The following RGS6 variants were observed in gnomAD, a reference collection of about 807,000 sequenced individuals.
The protein encoded by RGS6 is regulator of G protein signaling 6.
A neutral mutation model predicts 78.5 loss-of-function variants in RGS6; 30 were observed. The observed-to-expected ratio is 0.38, with a 90% CI of 0.29 to 0.52. The LOEUF is 0.52. Ranked by LOEUF, RGS6 falls within the 20% of genes least tolerant of loss-of-function variation. The pLI is 0.85. For synonymous variants in RGS6, 206 were observed against 206.0 expected (o/e 1.00, Z 0.00); for missense variants, 495 against 609.7 (o/e 0.81, Z 1.98).
chr14:72,275,323 C>T (rs1595145273), intron 2 of RGS6, among the ~76,000 whole-genome samples: 1 of 152,294 alleles, frequency 6.6e-6, no homozygotes, highest in South Asian at 2.1e-4. Flanking sequence ...ATTCAGGCCA[C>T]ATGCTATCTC....
the RGS6 span, among the ~76,000 whole-genome samples, chr14:72,599,575 A>ATTTTTTTTTTTT: frequency 4.8e-5 from 5 of 103,228 alleles, no homozygotes; most frequent in South Asian, 3.3e-4. Flanking sequence ...CGCCTGGCTA[A>ATTTTTTTTTTTT]TTTTTTTTTT....
Position 72,345,491 on chromosome 14 carries a change from T to C in RGS6, c.85-6604T>C, listed in dbSNP as rs141377188. Among the ~76,000 whole-genome samples the C allele has an allele frequency of 1.3e-4, 20 of 152,316 alleles. No individual in the cohort carries two copies. In the East Asian group the frequency reaches 3.9e-3, roughly 29 times the overall value. The stretch of plus-strand genomic sequence containing the variant: ...CAAATTCCACTTGTGCCATTGAAAT[T>C]GCAGCCTTTGAATGGGATGATAAAA... On this transcript the variant is annotated intron_variant, in intron 2 of 17. Coordinates refer to ENST00000553525, the MANE Select transcript of RGS6 (RefSeq NM_001204424.2).
rs924562496 is a variant in RGS6 at position 72,410,784 on chromosome 14, T to C, written c.185-43744T>C. 5.6e-4 allele frequency among the ~76,000 whole-genome samples: 86 copies of C among 152,220 alleles called. 2 individuals are homozygous for C. The highest frequency in any genetic ancestry group is 2.2e-4 in the Non-Finnish European group (15 of 68,030). On this transcript the variant is annotated intron_variant, in intron 3 of 17. Transcript: ENST00000553525. ...AGGGATCCAGTTTCAGCTTTCTACA[T>C]ATGGCTAGCCAGTTTTCCCAGCACC...
chr14:72,226,909 A>G (rs1024286089), intron 2 of RGS6, among the ~76,000 whole-genome samples: 1 of 151,962 alleles, frequency 6.6e-6, no homozygotes, highest in Non-Finnish European at 1.5e-5. Context: ...CTGGTCTTGA[A>G]CTCCTGGTGT....
chr14:72,395,454 T>A (rs930899053), intron 3 of RGS6, among the ~76,000 whole-genome samples: 1 of 152,218 alleles, frequency 6.6e-6, no homozygotes, highest in African/African-American at 2.4e-5. Context: ...TCCACTGTAC[T>A]TATATACAGA....
At chr14:72,531,645 A>G (rs2097184421) in intron 15 of RGS6, among the ~76,000 whole-genome samples, 1 of 152,050 alleles carries the variant, frequency 6.6e-6, no homozygotes, top group African/African-American at 2.4e-5. Flanking sequence ...TCTGCTTTCT[A>G]CTTTCACTTT....
intron 13 of RGS6, among the ~76,000 whole-genome samples, chr14:72,509,040 A>G (rs1327886035): frequency 6.6e-6 from 1 of 152,214 alleles, no homozygotes; most frequent in Non-Finnish European, 1.5e-5. Flanking sequence ...GTGAGACAGC[A>G]TAGCAAAGAT....
chr14:72,237,897 T>C (rs915163198), intron 2 of RGS6, among the ~76,000 whole-genome samples: 2 of 152,144 alleles, frequency 1.3e-5, no homozygotes, highest in Admixed American at 1.3e-4. Context: ...TATCTGCAGA[T>C]AGCTAAGTGT....
At chr14:71,947,297 A>G (rs1023771856) in intron 1 of RGS6, among the ~76,000 whole-genome samples, 40 of 152,264 alleles carry the variant, frequency 2.6e-4, no homozygotes, top group African/African-American at 9.4e-4. Flanking sequence ...AAGTCCTCAG[A>G]TACCTCACCC....
chr14:71,878,065 G>T, the RGS6 span, among the ~76,000 whole-genome samples: 2 of 152,170 alleles, frequency 1.3e-5, no homozygotes, highest in African/African-American at 4.8e-5. Flanking sequence ...GGGGCATCTG[G>T]CTGTATGAGG....
the RGS6 span, among the ~76,000 whole-genome samples, chr14:71,888,939 T>C: frequency 6.6e-6 from 1 of 152,198 alleles, no homozygotes; most frequent in Non-Finnish European, 1.5e-5. Context: ...TCAGGAGTTT[T>C]TGATGTAGGG....
At chr14:72,065,565 T>C (rs939859053) in intron 2 of RGS6, among the ~76,000 whole-genome samples, 2 of 152,182 alleles carry the variant, frequency 1.3e-5, no homozygotes, top group Admixed American at 1.3e-4. Context: ...TACAATGATC[T>C]TTTTCTATTG....
chr14:72,339,128 G>A (rs942604032), intron 2 of RGS6, among the ~76,000 whole-genome samples: 2 of 151,998 alleles, frequency 1.3e-5, no homozygotes, highest in African/African-American at 4.8e-5. Context: ...AGAATGTTGT[G>A]TCCCACCAAA....
chr14:72,364,587 T>C (rs1221959475), intron 3 of RGS6, among the ~76,000 whole-genome samples: 1 of 152,222 alleles, frequency 6.6e-6, no homozygotes, highest in African/African-American at 2.4e-5. Context: ...TAACTTTTTC[T>C]CTTCTCTATT....
intron 14 of RGS6, 99 bp from the exon 15 acceptor site, chr14:72,518,252 G>T: frequency 1.7e-6 from 2 of 1,152,220 alleles, no homozygotes; most frequent in East Asian, 4.7e-5. Flanking sequence ...GAGAGATGCA[G>T]CAGAATGGGT....
intron 3 of RGS6, among the ~76,000 whole-genome samples, chr14:72,372,145 CGTT>C (rs1382870306): frequency 6.6e-6 from 1 of 152,134 alleles, no homozygotes; most frequent in African/African-American, 2.4e-5. Context: ...AAACACAAAA[CGTT>C]GTTACTGACA....
Position 72,248,537 on chromosome 14 carries a change from C to T in RGS6, c.85-103558C>T, listed in dbSNP as rs1487513994. Among the ~76,000 whole-genome samples, 3 of 152,282 alleles carry T rather than the reference C, an allele frequency of 2.0e-5. No individual in the cohort carries two copies. In the East Asian group the frequency reaches 5.8e-4, roughly 29 times the overall value. On this transcript the variant is annotated intron_variant, in intron 2 of 17. Transcript: ENST00000553525. ...ATATACAAAAGGTCCTTGAGGCCCT[C>T]AATAAGAGTGTAAAGACCAAAAAGT...
At chr14:72,168,053 T>G (rs1326549090) in intron 2 of RGS6, among the ~76,000 whole-genome samples, 2 of 152,166 alleles carry the variant, frequency 1.3e-5, no homozygotes, top group African/African-American at 4.8e-5. Context: ...TACTAAGACA[T>G]TTTTATTACC....
At chr14:72,406,382 CA>C (rs111795066) in intron 3 of RGS6, among the ~76,000 whole-genome samples, 41 of 145,414 alleles carry the variant, frequency 2.8e-4, no homozygotes, top group South Asian at 8.7e-4. Flanking sequence ...GACTCCATCT[CA>C]AAAAAAAAAA....
Sources: allele counts gnomAD v4.1 joint callset (sites outside exome capture counted in the v4.1 genomes callset), GRCh38; gene constraint gnomAD v4.1.1; transcripts MANE v1.5; gene names NCBI Gene and HGNC (gene_info 2026-07-23, HGNC 2026-07-21).